The following RSF1 variants were observed in gnomAD, a reference collection of about 807,000 sequenced individuals.
RSF1 encodes remodeling and spacing factor 1.
A neutral mutation model predicts 145.2 loss-of-function variants in RSF1; 13 were observed. That is an observed-to-expected ratio of 0.09 (90% CI 0.06 to 0.14). The LOEUF is 0.14. RSF1 is among the 10% of genes least tolerant of loss of function. The pLI is 1.00. For synonymous variants in RSF1, 577 were observed against 592.6 expected, an observed-to-expected ratio of 0.97 and a Z score of 0.38; for missense variants, 1,517 against 1,718.2, an observed-to-expected ratio of 0.88 and a Z score of 2.07.
At chr11:77,741,547 G>T (rs1345833713) in intron 3 of RSF1, among the ~76,000 whole-genome samples, 2 of 147,418 alleles carry the variant, frequency 1.4e-5, no homozygotes, top group Admixed American at 7.0e-5. Context: ...TATTAAAAAT[G>T]TTTCATTTTT....
chr11:77,779,618 G>A (rs904342091), intron 1 of RSF1, among the ~76,000 whole-genome samples: 1 of 152,128 alleles, frequency 6.6e-6, no homozygotes, highest in Non-Finnish European at 1.5e-5. Flanking sequence ...TTGACCTCAG[G>A]TGATCTGCCC....
intron 1 of RSF1, among the ~76,000 whole-genome samples, chr11:77,777,574 C>T (rs763031457): frequency 4.6e-5 from 7 of 152,094 alleles, no homozygotes; most frequent in Non-Finnish European, 1.0e-4. Context: ...GCCTGGGCAA[C>T]AAGAGCGAAA....
the RSF1 span, among the ~76,000 whole-genome samples, chr11:77,853,130 G>A: frequency 6.6e-6 from 1 of 152,146 alleles, no homozygotes; most frequent in African/African-American, 2.4e-5. Context: ...CTTTTTGGGG[G>A]TTGTACCGTA....
At chr11:77,813,845 A>ACACACG (rs982538876) in intron 1 of RSF1, 7 of 205,008 alleles carry the variant, frequency 3.4e-5, no homozygotes, top group Non-Finnish European at 7.0e-5. Context: ...ACACACACAC[A>ACACACG]CACACACACA....
At chr11:77,681,243 T>C (rs1565146452) in intron 11 of RSF1, among the ~76,000 whole-genome samples, 1 of 152,208 alleles carries the variant, frequency 6.6e-6, no homozygotes, top group Non-Finnish European at 1.5e-5. Flanking sequence ...TCTAAAATCA[T>C]ATATGACTAA....
chr11:77,820,447 A>C, intron 1 of RSF1, 81 bp downstream of exon 1: 2 of 1,412,906 alleles, frequency 1.4e-6, no homozygotes, highest in South Asian at 2.7e-5. Context: ...CGAGCCGCGA[A>C]GAACCGGGGC....
chr11:77,826,663 C>A, the RSF1 span, among the ~76,000 whole-genome samples: 1 of 152,164 alleles, frequency 6.6e-6, no homozygotes, highest in Non-Finnish European at 1.5e-5. Context: ...AGCAACCGAA[C>A]CTTTGAAACA....
At chr11:77,772,417 G>T (rs141930673) in intron 1 of RSF1, among the ~76,000 whole-genome samples, 1 of 152,178 alleles carries the variant, frequency 6.6e-6, no homozygotes, top group African/African-American at 2.4e-5. Flanking sequence ...CAAGCGATCC[G>T]CCCATCTTGG....
chr11:77,727,297 TAA>T (rs1961077985), intron 4 of RSF1, among the ~76,000 whole-genome samples: 1 of 151,932 alleles, frequency 6.6e-6, no homozygotes, highest in Non-Finnish European at 1.5e-5. Flanking sequence ...TTCCATATGT[TAA>T]AAAAAGGAAA....
chr11:77,818,292 A>G (rs1428271151), intron 1 of RSF1, among the ~76,000 whole-genome samples: 1 of 152,208 alleles, frequency 6.6e-6, no homozygotes, highest in Admixed American at 6.5e-5. Flanking sequence ...AATCTCATAT[A>G]CTACCCAAAA....
intron 8 of RSF1, among the ~76,000 whole-genome samples, 162 bp from the exon 9 acceptor site, chr11:77,691,400 A>C (rs1960146205): frequency 6.6e-6 from 1 of 152,238 alleles, no homozygotes; most frequent in South Asian, 2.1e-4. Context: ...ACACCTTTTG[A>C]ACAGAAGATG....
rs1959373832 is a variant in RSF1, at chr11:77,666,840, T to C, written c.*77A>G. On this transcript the variant is annotated 3_prime_UTR_variant, in exon 16 of 16. Coordinates refer to ENST00000308488, the MANE Select transcript of RSF1 (RefSeq NM_016578.4). The stretch of plus-strand genomic sequence containing the variant: ...TGTAGTGGAGTTTTCTAGGAAAAAT[T>C]AAACAGCTTTTAATAACTGGCCCGC... 1 of 1,262,846 alleles carries C rather than the reference T, an allele frequency of 7.9e-7. No homozygotes were observed. Among genetic ancestry groups the C allele is most frequent in the South Asian group, 1.9e-5 (1 of 52,440 alleles). 78.2% of individuals were successfully genotyped at this position (1,262,846 alleles called of 1,614,324 possible). A position where few individuals can be genotyped will look rare whatever the true frequency, so the allele number is the denominator to read the frequency against.
chr11:77,680,728 AAC>A (rs1365593126), intron 11 of RSF1, among the ~76,000 whole-genome samples: 1 of 152,228 alleles, frequency 6.6e-6, no homozygotes, highest in Non-Finnish European at 1.5e-5. Context: ...ATTTAGTTAA[AAC>A]AGTTTATTTC....
chr11:77,861,496 T>C, the RSF1 span, among the ~76,000 whole-genome samples: 2 of 152,188 alleles, frequency 1.3e-5, no homozygotes, highest in Non-Finnish European at 2.9e-5. Flanking sequence ...GTGAGGGTGA[T>C]GGCATGAGCT....
At chr11:77,691,131 C>A (rs1254011670) in intron 9 of RSF1, 28 bp downstream of exon 9, 16 of 1,597,302 alleles carry the variant, frequency 1.0e-5, no homozygotes, top group Non-Finnish European at 1.3e-5. Flanking sequence ...TATTCCCAAA[C>A]AAAACATTAA....
At chr11:77,766,092 T>C (rs961722171) in intron 1 of RSF1, among the ~76,000 whole-genome samples, 1 of 151,794 alleles carries the variant, frequency 6.6e-6, no homozygotes, top group African/African-American at 2.4e-5. Context: ...TACAGTATAC[T>C]ACCTAAAAAG....
intron 10 of RSF1, 127 bp from the exon 11 acceptor site, chr11:77,683,946 C>T: frequency 3.2e-6 from 2 of 630,246 alleles, no homozygotes; most frequent in Non-Finnish European, 5.5e-6. Flanking sequence ...TGAGATGATC[C>T]CCTCCAAAAG....
intron 2 of RSF1, among the ~76,000 whole-genome samples, chr11:77,752,059 C>G (rs958032335): frequency 3.3e-5 from 5 of 152,200 alleles, no homozygotes; most frequent in African/African-American, 1.2e-4. Context: ...ACAACCCATT[C>G]AAACTGATAC....
chr11:77,861,998 T>G, the RSF1 span, among the ~76,000 whole-genome samples: 58 of 152,328 alleles, frequency 3.8e-4, no homozygotes, highest in Non-Finnish European at 6.3e-4. Context: ...AATGCCTCCC[T>G]TAGTCTCTCC....
Sources: allele counts gnomAD v4.1 joint callset (sites outside exome capture counted in the v4.1 genomes callset), GRCh38; gene constraint gnomAD v4.1.1; transcripts MANE v1.5; gene names NCBI Gene and HGNC (gene_info 2026-07-23, HGNC 2026-07-21).